The following GRID2 variants were observed in gnomAD, a reference collection of about 807,000 sequenced individuals.
The protein encoded by GRID2 is glutamate receptor ionotropic, delta-2.
GRID2 carries 33 observed loss-of-function variants against 114.8 expected under a neutral mutation model. The observed-to-expected ratio is 0.29, with a 90% confidence interval of 0.22 to 0.38. The LOEUF (loss-of-function observed/expected upper bound fraction) is 0.38, where lower values mean the gene tolerates loss of function less well. Ranked by LOEUF, GRID2 falls within the 10% of genes least tolerant of loss-of-function variation. The pLI is 1.00. For synonymous variants in GRID2, 505 were observed against 449.9 expected, an observed-to-expected ratio of 1.12 and a Z score of -1.55; for missense variants, 1,184 against 1,257.7, an observed-to-expected ratio of 0.94 and a Z score of 0.89.
At chr4:93,269,087 C>T (rs918838437) in intron 8 of GRID2, among the ~76,000 whole-genome samples, 2 of 152,132 alleles carry the variant, frequency 1.3e-5, no homozygotes, top group Admixed American at 1.3e-4. Context: ...TCTTTTAATT[C>T]AGGGTCACAT....
intron 1 of GRID2, among the ~76,000 whole-genome samples, chr4:92,402,972 C>T (rs1007920458): frequency 2.0e-5 from 3 of 152,194 alleles, no homozygotes; most frequent in African/African-American, 7.2e-5. Context: ...TGATCTTCTG[C>T]ATAACTTGCC....
intron 10 of GRID2, among the ~76,000 whole-genome samples, chr4:93,449,062 C>G (rs1580117619): frequency 6.7e-6 from 1 of 149,558 alleles, no homozygotes; most frequent in Non-Finnish European, 1.5e-5. Flanking sequence ...TCCTTACTTT[C>G]TCCCAAGCAA....
At chr4:92,739,970 A>C (rs1736791806) in intron 2 of GRID2, among the ~76,000 whole-genome samples, 2 of 152,194 alleles carry the variant, frequency 1.3e-5, no homozygotes, top group Admixed American at 1.3e-4. Context: ...CCATAATCTC[A>C]TTATAGAAGG....
chr4:93,472,103 T>A (rs1328231796), intron 11 of GRID2, among the ~76,000 whole-genome samples: 1 of 150,898 alleles, frequency 6.6e-6, no homozygotes, highest in African/African-American at 2.4e-5. Context: ...GGCGGGCGGA[T>A]CACCTGAGGT....
chr4:92,959,619 T>G (rs1304226957), intron 2 of GRID2, among the ~76,000 whole-genome samples: 1 of 152,068 alleles, frequency 6.6e-6, no homozygotes, highest in Non-Finnish European at 1.5e-5. Flanking sequence ...TGCCCATCAA[T>G]TATAGACTGG....
intron 2 of GRID2, among the ~76,000 whole-genome samples, chr4:92,838,546 T>C (rs1038253684): frequency 5.3e-5 from 8 of 152,096 alleles, no homozygotes; most frequent in African/African-American, 1.9e-4. Flanking sequence ...CTAATGAATA[T>C]TAAATTGAAA....
At chr4:93,293,589 G>A (rs560641789) in intron 8 of GRID2, among the ~76,000 whole-genome samples, 15 of 149,332 alleles carry the variant, frequency 1.0e-4, no homozygotes, top group Admixed American at 4.6e-4. Flanking sequence ...CATATATCCC[G>A]AAAGACACAT....
chr4:93,467,908 C>G (rs1306829006), intron 11 of GRID2, among the ~76,000 whole-genome samples: 5 of 152,178 alleles, frequency 3.3e-5, no homozygotes, highest in African/African-American at 4.8e-5. Flanking sequence ...AAGTGTTAAA[C>G]TTGTCATACC....
intron 14 of GRID2, among the ~76,000 whole-genome samples, chr4:93,750,495 C>T (rs1186799468): frequency 2.6e-5 from 4 of 152,238 alleles, no homozygotes; most frequent in African/African-American, 4.8e-5. Flanking sequence ...CTTGGCCAGG[C>T]GCGGTGGCTC....
intron 4 of GRID2, among the ~76,000 whole-genome samples, chr4:93,159,699 T>A (rs867367240): frequency 4.0e-5 from 6 of 151,314 alleles, no homozygotes; most frequent in Admixed American, 2.6e-4. Context: ...CTGCATTTTT[T>A]TTTTTTTTTT....
intron 2 of GRID2, among the ~76,000 whole-genome samples, chr4:93,031,761 A>C (rs2149258472): frequency 6.6e-6 from 1 of 151,818 alleles, no homozygotes; most frequent in Non-Finnish European, 1.5e-5. Flanking sequence ...TTTTTTTAAT[A>C]AATTACCCAG....
chr4:93,619,526 AT>A (rs1440200531), intron 13 of GRID2, among the ~76,000 whole-genome samples: 9 of 152,214 alleles, frequency 5.9e-5, no homozygotes, highest in African/African-American at 2.2e-4. Context: ...CAAGGCTAGA[AT>A]TTATTTCCCT....
exon 2 of GRID2, chr4:93,808,439 C>T (rs969426738): frequency 2.0e-5 from 3 of 152,182 alleles, no homozygotes; most frequent in African/African-American, 4.8e-5. Context: ...TTAATCACCC[C>T]ATTTCCATGG....
chr4:92,851,038 T>C (rs1381503226), intron 2 of GRID2, among the ~76,000 whole-genome samples: 2 of 152,040 alleles, frequency 1.3e-5, no homozygotes, highest in East Asian at 3.9e-4. Context: ...TATAGTCAAG[T>C]TTACTTTTAA....
chr4:93,330,208 AG>A (rs1425018749), intron 8 of GRID2, among the ~76,000 whole-genome samples: 7 of 152,174 alleles, frequency 4.6e-5, no homozygotes, highest in African/African-American at 1.7e-4. Flanking sequence ...ATAACATAGT[AG>A]TGCATGTGAT....
intron 13 of GRID2, among the ~76,000 whole-genome samples, chr4:93,585,696 C>T (rs1737470553): frequency 6.6e-6 from 1 of 152,068 alleles, no homozygotes; most frequent in South Asian, 2.1e-4. Context: ...CTAATAGGGG[C>T]ACCTTTCAAA....
intron 8 of GRID2, among the ~76,000 whole-genome samples, chr4:93,369,127 G>A (rs1297171475): frequency 1.3e-5 from 2 of 152,054 alleles, no homozygotes; most frequent in Admixed American, 6.6e-5. Flanking sequence ...GTATCAGCAG[G>A]GCTGCACTCC....
chr4:93,575,407 A>C (rs1476859594), intron 13 of GRID2, among the ~76,000 whole-genome samples: 1 of 152,168 alleles, frequency 6.6e-6, no homozygotes, highest in Non-Finnish European at 1.5e-5. Context: ...CTGTTCTAAC[A>C]TCATGTTACC....
intron 4 of GRID2, among the ~76,000 whole-genome samples, chr4:93,187,219 T>C (rs1740508505): frequency 6.6e-6 from 1 of 152,176 alleles, no homozygotes; most frequent in Non-Finnish European, 1.5e-5. Flanking sequence ...CCTCCAGGAT[T>C]TATGTCCTTC....
Sources: allele counts gnomAD v4.1 joint callset (sites outside exome capture counted in the v4.1 genomes callset), GRCh38; gene constraint gnomAD v4.1.1; transcripts MANE v1.5; gene names NCBI Gene and HGNC (gene_info 2026-07-23, HGNC 2026-07-21).